RICTOR: variants seen among roughly 807,000 people sequenced by gnomAD.
RICTOR encodes the protein rapamycin-insensitive companion of mTOR.
RICTOR carries 49 observed loss-of-function variants against 214.9 expected under a neutral mutation model. The ratio of observed to expected loss-of-function variants is 0.23; its 90% CI spans 0.18 to 0.29. The LOEUF is 0.29. RICTOR is among the 10% of genes least tolerant of loss of function. RICTOR has a pLI of 1.00. For synonymous variants in RICTOR, 717 were observed against 711.3 expected (o/e 1.01, Z -0.13); for missense variants, 1,625 against 2,047.0 (o/e 0.79, Z 3.98).
intron 3 of RICTOR, among the ~76,000 whole-genome samples, chr5:39,013,937 A>G (rs1224196908): frequency 6.6e-6 from 1 of 152,154 alleles, no homozygotes; most frequent in African/African-American, 2.4e-5. Context: ...TTTTCAGTCA[A>G]TGATGGATCA....
At chr5:38,982,770 A>G (rs1421392979) in intron 7 of RICTOR, among the ~76,000 whole-genome samples, 2 of 121,046 alleles carry the variant, frequency 1.7e-5, no homozygotes, top group Admixed American at 9.9e-5. Flanking sequence ...TTATACATAC[A>G]TACACACATA....
intron 2 of RICTOR, among the ~76,000 whole-genome samples, chr5:39,043,951 G>A (rs548382954): frequency 1.3e-5 from 2 of 152,234 alleles, no homozygotes; most frequent in East Asian, 3.9e-4. Flanking sequence ...CCTTCATAAC[G>A]GTAAGAACTG....
chr5:39,025,588 T>A (rs1385458728), intron 2 of RICTOR, among the ~76,000 whole-genome samples: 1 of 152,210 alleles, frequency 6.6e-6, no homozygotes, highest in Non-Finnish European at 1.5e-5. Flanking sequence ...TATCTCATAG[T>A]TCTGCAGGCT....
rs185042970 is a variant in RICTOR at position 39,025,338 on chromosome 5, A to C, written c.98-4202T>G. Among the ~76,000 whole-genome samples, 479 of 152,360 alleles carry C rather than the reference A, an allele frequency of 3.1e-3. 1 individual carries two copies. Among genetic ancestry groups the C allele is most frequent in the Middle Eastern group, 0.01 (3 of 294 alleles). On this transcript the variant is annotated intron_variant, in intron 2 of 37. Coordinates refer to ENST00000357387, the MANE Select transcript of RICTOR (RefSeq NM_152756.5). ...ACAGGTTAAAGTTTCCCTGGTAATA[A>C]AATGAGAAATCTCTGCTTTCTTCTT...
At chr5:39,038,723 C>T (rs1272511306) in intron 2 of RICTOR, among the ~76,000 whole-genome samples, 1 of 152,116 alleles carries the variant, frequency 6.6e-6, no homozygotes, top group Non-Finnish European at 1.5e-5. Flanking sequence ...ACAATTGCTT[C>T]AAAGAGAATA....
rs869254811 is a variant in RICTOR, at chr5:38,994,419, TAAAAA to T, written c.456+2395_456+2399del. Among the ~76,000 whole-genome samples the T allele has an allele frequency of 2.0e-3, 114 of 57,154 alleles. 1 individual carries two copies. Among genetic ancestry groups the T allele is most frequent in the African/African-American group, 3.2e-3 (46 of 14,286 alleles). The allele number at this position is 57,154 out of a possible 152,430, so 37.5% of individuals were successfully genotyped here. A position where few individuals can be genotyped will look rare whatever the true frequency, so the allele number is the denominator to read the frequency against. On this transcript the variant is annotated intron_variant, in intron 6 of 37. Transcript: ENST00000357387. The stretch of plus-strand genomic sequence containing the variant: ...TGTAGTACAGCTGCCAAGGTTTTAC[TAAAAA>T]AAAAAAAAAAAAAAAAAAAAAAAAA...
chr5:39,060,073 C>A (rs1389535227), intron 2 of RICTOR, among the ~76,000 whole-genome samples: 2 of 151,938 alleles, frequency 1.3e-5, no homozygotes, highest in Non-Finnish European at 2.9e-5. Context: ...TTATTTTGTC[C>A]ATATTAGTTA....
chr5:38,959,987 A>G lies in RICTOR; in HGVS notation c.1852-9T>C. On this transcript the variant is annotated splice_polypyrimidine_tract_variant and intron_variant, in intron 20 of 37. Coordinates refer to ENST00000357387, the MANE Select transcript of RICTOR (RefSeq NM_152756.5). Reference sequence around the variant, plus strand: ...AAGTAGCCTTGCCCATCCTAAAAGTAAATACATTGTGATATTGTGAGAAAA... The same window carrying G: ...AAGTAGCCTTGCCCATCCTAAAAGTGAATACATTGTGATATTGTGAGAAAA... The G allele has an allele frequency of 9.0e-6, 14 of 1,556,570 alleles. No homozygotes were observed. The highest frequency in any genetic ancestry group is 1.2e-5 in the Non-Finnish European group (14 of 1,128,484).
At chr5:38,944,785 C>T (rs1747992410) in intron 35 of RICTOR, 128 bp downstream of exon 35, 1 of 973,286 alleles carries the variant, frequency 1.0e-6, no homozygotes, top group Non-Finnish European at 1.6e-6. Flanking sequence ...TGTTAAATTG[C>T]TTCACTAAAA....
At chr5:39,038,888 T>C (rs1261514915) in intron 2 of RICTOR, among the ~76,000 whole-genome samples, 1 of 152,126 alleles carries the variant, frequency 6.6e-6, no homozygotes, top group African/African-American at 2.4e-5. Context: ...ATGGCCATAC[T>C]GCCCAAGGTA....
chr5:39,021,425 T>C (rs1355071229), intron 2 of RICTOR, among the ~76,000 whole-genome samples: 2 of 152,154 alleles, frequency 1.3e-5, no homozygotes, highest in African/African-American at 4.8e-5. Flanking sequence ...CAAAGTTGTG[T>C]TGGAAACTTA....
intron 3 of RICTOR, among the ~76,000 whole-genome samples, chr5:39,006,381 A>G (rs923787463): frequency 2.0e-5 from 3 of 152,062 alleles, no homozygotes; most frequent in Admixed American, 2.0e-4. Flanking sequence ...CTTTTACCTA[A>G]AAGTTACATA....
intron 2 of RICTOR, among the ~76,000 whole-genome samples, chr5:39,072,574 T>TG (rs1759396448): frequency 6.6e-6 from 1 of 152,256 alleles, no homozygotes; most frequent in African/African-American, 2.4e-5. Context: ...CACTCACTAA[T>TG]TACATCTTTT....
At position 38,963,217 on chromosome 5, in the gene RICTOR, TAA is replaced by T. The variant is rs1249669718; in HGVS notation, c.1401-178_1401-177del. Among the ~76,000 whole-genome samples, 58 of 152,042 alleles carry T rather than the reference TAA, an allele frequency of 3.8e-4. 1 individual carries two copies. Among genetic ancestry groups the T allele is most frequent in the Admixed American group, 3.7e-3 (56 of 15,256 alleles). ...CAAAAAATAACACTACTGATTTATA[TAA>T]AGACACACTGATTATTTAGATGCAA... On this transcript the variant is annotated intron_variant, in intron 16 of 37. Coordinates refer to ENST00000357387, the MANE Select transcript of RICTOR (RefSeq NM_152756.5).
intron 2 of RICTOR, among the ~76,000 whole-genome samples, chr5:39,073,752 C>G (rs755336939): frequency 6.6e-6 from 1 of 152,184 alleles, no homozygotes; most frequent in Non-Finnish European, 1.5e-5. Context: ...GCCTCTACCT[C>G]CCTCCAGCTG....
At chr5:39,041,639 T>G (rs748627715) in intron 2 of RICTOR, among the ~76,000 whole-genome samples, 1 of 152,110 alleles carries the variant, frequency 6.6e-6, no homozygotes, top group Non-Finnish European at 1.5e-5. Context: ...GATTTCCGGA[T>G]TGGGTAAATT....
intron 2 of RICTOR, among the ~76,000 whole-genome samples, chr5:39,024,146 C>G (rs1755636746): frequency 6.6e-6 from 1 of 152,188 alleles, no homozygotes; most frequent in Non-Finnish European, 1.5e-5. Context: ...TATTAATAAT[C>G]TAATGCTGCT....
intron 8 of RICTOR, chr5:38,981,588 T>C: frequency 3.7e-6 from 1 of 267,448 alleles, no homozygotes; most frequent in Non-Finnish European, 7.0e-6. Context: ...ATAGGTAAAT[T>C]TGTTACATAA....
At chr5:39,020,966 G>A (rs575883336) in intron 3 of RICTOR, 73 bp downstream of exon 3, 112 of 795,584 alleles carry the variant, frequency 1.4e-4, no homozygotes, top group Admixed American at 3.9e-4. Context: ...ATTTAATGAT[G>A]GTCAAGAAAC....
Sources: gnomAD v4.1 joint callset for allele counts (sites outside exome capture counted in the v4.1 genomes callset) on GRCh38, gnomAD v4.1.1 for gene constraint, MANE v1.5 for transcripts, NCBI Gene and HGNC (gene_info 2026-07-23, HGNC 2026-07-21) for gene names.